CEP112: variants seen among roughly 807,000 people sequenced by gnomAD.
The protein encoded by CEP112 is centrosomal protein of 112 kDa.
Under a neutral mutation model 153.0 loss-of-function variants are expected in CEP112, and 127 were observed. The ratio of observed to expected loss-of-function variants is 0.83; its 90% CI spans 0.72 to 0.96. The LOEUF is 0.96. CEP112 is among the 40% of genes least tolerant of loss of function. The pLI is 0.00. For synonymous variants in CEP112, 358 were observed against 374.4 expected, an observed-to-expected ratio of 0.96 and a Z score of 0.51; for missense variants, 1,089 against 1,101.2, an observed-to-expected ratio of 0.99 and a Z score of 0.16.
chr17:66,020,044 C>G (rs917920710), intron 16 of CEP112, among the ~76,000 whole-genome samples: 1 of 152,192 alleles, frequency 6.6e-6, no homozygotes, highest in African/African-American at 2.4e-5. Context: ...ATAGCCAGTG[C>G]ATCCCTTTCT....
At chr17:65,636,139 C>T (rs560242919) in intron 26 of CEP112, among the ~76,000 whole-genome samples, 165 bp from the exon 27 acceptor site, 4 of 152,290 alleles carry the variant, frequency 2.6e-5, no homozygotes, top group East Asian at 3.9e-4. Flanking sequence ...TTACCTACAC[C>T]GAGCAAACAG....
intron 6 of CEP112, among the ~76,000 whole-genome samples, chr17:66,108,118 C>T (rs959865858): frequency 1.3e-5 from 2 of 152,028 alleles, no homozygotes; most frequent in Admixed American, 1.3e-4. Flanking sequence ...GAAATTAGAG[C>T]CCTATCCCTT....
chr17:65,743,316 T>C, intron 22 of CEP112, 99 bp from the exon 23 acceptor site: 1 of 862,628 alleles, frequency 1.2e-6, no homozygotes, highest in Non-Finnish European at 1.8e-6. Context: ...TTGACAAAAC[T>C]CTATTCCACA....
chr17:65,880,197 T>G (rs193208286), intron 20 of CEP112, among the ~76,000 whole-genome samples: 138 of 152,366 alleles, frequency 9.1e-4, no homozygotes, highest in African/African-American at 2.6e-3. Flanking sequence ...TTTGCCTAAT[T>G]GTTAATAGAT....
At chr17:65,915,826 T>C (rs1322840509) in intron 19 of CEP112, among the ~76,000 whole-genome samples, 7 of 143,970 alleles carry the variant, frequency 4.9e-5, no homozygotes, top group Non-Finnish European at 7.6e-5. Context: ...GCAAACCAGA[T>C]CTTGCTCAAA....
chr17:65,801,002 T>C (rs1158134137), intron 21 of CEP112, among the ~76,000 whole-genome samples: 1 of 152,222 alleles, frequency 6.6e-6, no homozygotes, highest in Non-Finnish European at 1.5e-5. Context: ...CTTTATATAG[T>C]CTATTAGGTT....
At chr17:65,981,172 C>T (rs2063212832) in intron 17 of CEP112, among the ~76,000 whole-genome samples, 1 of 152,122 alleles carries the variant, frequency 6.6e-6, no homozygotes, top group African/African-American at 2.4e-5. Flanking sequence ...CATATTAGTT[C>T]ATGATCTTCT....
chr17:66,049,552 C>A (rs539205868), intron 12 of CEP112, among the ~76,000 whole-genome samples: 1 of 152,254 alleles, frequency 6.6e-6, no homozygotes, highest in East Asian at 1.9e-4. Context: ...GAGTTTGAGA[C>A]CAGCCTGGCC....
At chr17:66,033,148 G>A (rs1183476556) in intron 12 of CEP112, among the ~76,000 whole-genome samples, 2 of 152,134 alleles carry the variant, frequency 1.3e-5, no homozygotes, top group African/African-American at 4.8e-5. Flanking sequence ...AACTGTAAGA[G>A]CAAACAACCA....
At chr17:66,178,396 T>C (rs2072578196) in intron 2 of CEP112, among the ~76,000 whole-genome samples, 1 of 152,206 alleles carries the variant, frequency 6.6e-6, no homozygotes, top group Non-Finnish European at 1.5e-5. Flanking sequence ...CTTTTGCCCA[T>C]TTTTAAATCA....
At chr17:66,175,459 G>A (rs1411439287) in intron 3 of CEP112, among the ~76,000 whole-genome samples, 1 of 152,134 alleles carries the variant, frequency 6.6e-6, no homozygotes, top group Non-Finnish European at 1.5e-5. Context: ...GTACATAACA[G>A]ATAAATCTGA....
At chr17:66,067,283 G>A (rs2067158873) in intron 9 of CEP112, among the ~76,000 whole-genome samples, 1 of 152,126 alleles carries the variant, frequency 6.6e-6, no homozygotes, top group African/African-American at 2.4e-5. Flanking sequence ...CCGCAAATTG[G>A]CATTGTAGTG....
intron 6 of CEP112, among the ~76,000 whole-genome samples, chr17:66,112,903 G>C (rs567867582): frequency 6.6e-6 from 1 of 151,980 alleles, no homozygotes; most frequent in East Asian, 1.9e-4. Context: ...CCAAGATCAT[G>C]TCATTGCACT....
chr17:65,835,926 C>A (rs370509297), intron 21 of CEP112, among the ~76,000 whole-genome samples: 11 of 152,108 alleles, frequency 7.2e-5, no homozygotes, highest in African/African-American at 2.2e-4. Context: ...GGCTAAGAGG[C>A]AATATAAGAA....
At chr17:66,175,969 G>C (rs2072454111) in intron 3 of CEP112, among the ~76,000 whole-genome samples, 1 of 152,128 alleles carries the variant, frequency 6.6e-6, no homozygotes, top group African/African-American at 2.4e-5. Flanking sequence ...GTTCTTTAGG[G>C]AGGATGACAC....
intron 23 of CEP112, among the ~76,000 whole-genome samples, chr17:65,734,464 T>A (rs953070432): frequency 6.6e-6 from 1 of 152,174 alleles, no homozygotes; most frequent in East Asian, 1.9e-4. Flanking sequence ...GTTTATCATA[T>A]TACATATTAA....
intron 23 of CEP112, among the ~76,000 whole-genome samples, chr17:65,722,519 G>A (rs1251112501): frequency 6.6e-6 from 1 of 152,180 alleles, no homozygotes; most frequent in Non-Finnish European, 1.5e-5. Flanking sequence ...AAAGTGCTGG[G>A]ATGACAGGCG....
At chr17:66,054,756 T>C (rs187890461) in intron 11 of CEP112, among the ~76,000 whole-genome samples, 2 of 152,236 alleles carry the variant, frequency 1.3e-5, no homozygotes, top group Non-Finnish European at 2.9e-5. Flanking sequence ...ATTTGGCTTT[T>C]TGTTTTTGTT....
chr17:66,069,991 T>C lies in CEP112; in HGVS notation c.779A>G (p.Lys260Arg). 6.2e-7 allele frequency: 1 copy of C among 1,600,142 alleles called. No homozygotes were observed. The highest frequency in any genetic ancestry group is 8.5e-7 in the Non-Finnish European group (1 of 1,170,204). ...AAATTTAGCTTCCATCATTTTTGTT[T>C]TCATGTCCAGCTTCAAGAAAAATAT... ...SRIREKELDMKTKMMEAKFHE... is the reference protein window; with the variant it reads ...SRIREKELDMRTKMMEAKFHE... Residue 260 changes from lysine (K) to arginine (R), a missense_variant, in exon 9 of 27, where the codon AAA (lysine) becomes AGA (arginine). Physicochemically the swap from Lys to Arg is conservative, Grantham distance 26. Transcript: ENST00000535342.
Sources: allele counts gnomAD v4.1 joint callset (sites outside exome capture counted in the v4.1 genomes callset), GRCh38; gene constraint gnomAD v4.1.1; transcripts MANE v1.5; gene names NCBI Gene and HGNC (gene_info 2026-07-23, HGNC 2026-07-21).